SPATA9: variants seen among roughly 807,000 people sequenced by gnomAD.
SPATA9 encodes the protein spermatogenesis associated 9.
A neutral mutation model predicts 25.5 loss-of-function variants in SPATA9; 27 were observed. The ratio of observed to expected loss-of-function variants is 1.06; its 90% CI spans 0.78 to 1.46. The LOEUF is 1.46. Ranked by LOEUF, SPATA9 falls within the 40% of genes most tolerant of loss-of-function variation. SPATA9 has a pLI of 0.00. For missense variants in SPATA9, 282 were observed against 297.5 expected (o/e 0.95, Z 0.38); for synonymous variants, 102 against 105.7 (o/e 0.97, Z 0.21).
downstream of SPATA9, chr5:95,658,288 T>C (rs1750902143): frequency 6.0e-6 from 1 of 166,584 alleles, no homozygotes; most frequent in South Asian, 1.9e-4. Context: ...TCCTCCCAAG[T>C]AAAGAATTAG....
rs1473247601 is a variant in SPATA9 at position 95,677,752 on chromosome 5, T to C, written c.151-2113A>G. On this transcript the variant is annotated intron_variant, in intron 2 of 4. Transcript: ENST00000274432. ...ACTTCTATTTTGTAGTATATATGGT[T>C]AAGTACAAGATAACAGAAAAAAGAT... Among the ~76,000 whole-genome samples, 7 of 152,180 alleles carry C rather than the reference T, an allele frequency of 4.6e-5. 1 individual carries two copies. The South Asian group carries it at 1.4e-3, about 32-fold the overall frequency.
At chr5:95,712,337 C>T in the SPATA9 span, among the ~76,000 whole-genome samples, 37 of 152,280 alleles carry the variant, frequency 2.4e-4, no homozygotes, top group African/African-American at 8.4e-4. Context: ...TATGTCCTCG[C>T]CCCTTTAACC....
the SPATA9 span, among the ~76,000 whole-genome samples, chr5:95,723,542 T>TTTTG: frequency 2.0e-4 from 30 of 152,250 alleles, no homozygotes; most frequent in Non-Finnish European, 3.7e-4. Context: ...TCTTGTTGTT[T>TTTTG]TTTGTTTGTT....
intron 1 of SPATA9, among the ~76,000 whole-genome samples, chr5:95,695,441 TAC>T (rs200405626): frequency 1.0e-5 from 1 of 99,970 alleles, no homozygotes; most frequent in African/African-American, 3.9e-5. Context: ...CTACTACAAA[TAC>T]AAAAGTTAGC....
At chr5:95,732,032 A>G in the SPATA9 span, 4 of 1,614,172 alleles carry the variant, frequency 2.5e-6, no homozygotes, top group Non-Finnish European at 3.4e-6. Context: ...ACCGAGTATC[A>G]GGCCAGTGCG....
intron 3 of SPATA9, chr5:95,670,278 C>G (rs1249424221): frequency 6.6e-6 from 1 of 152,162 alleles, no homozygotes; most frequent in African/African-American, 2.4e-5. Flanking sequence ...TGTCGAAGAG[C>G]TGAAACACTA....
At chr5:95,710,591 C>T in the SPATA9 span, among the ~76,000 whole-genome samples, 1 of 152,150 alleles carries the variant, frequency 6.6e-6, no homozygotes, top group Non-Finnish European at 1.5e-5. Flanking sequence ...TGAGTAAGCA[C>T]CCCTTTAGCA....
At chr5:95,696,604 C>T (rs768342038) in intron 1 of SPATA9, among the ~76,000 whole-genome samples, 11 of 152,190 alleles carry the variant, frequency 7.2e-5, no homozygotes, top group African/African-American at 1.2e-4. Flanking sequence ...TGCCTTGGCA[C>T]GGTGGCTCAT....
At chr5:95,731,603 A>G in the SPATA9 span, 1 of 1,593,122 alleles carries the variant, frequency 6.3e-7, no homozygotes, top group African/African-American at 1.3e-5. Context: ...ATTGCGGGTG[A>G]ACTCGCCGCC....
intron 2 of SPATA9, among the ~76,000 whole-genome samples, chr5:95,676,226 ATT>A (rs1447490890): frequency 6.6e-6 from 1 of 152,100 alleles, no homozygotes. Flanking sequence ...AGATTTACAT[ATT>A]TTGTGTACTG....
the SPATA9 span, among the ~76,000 whole-genome samples, chr5:95,710,262 A>C: frequency 6.6e-6 from 1 of 152,172 alleles, no homozygotes; most frequent in Non-Finnish European, 1.5e-5. Flanking sequence ...GGTAGTTTCT[A>C]ACAGTTCCTG....
downstream of SPATA9, chr5:95,654,355 G>C: frequency 1.9e-6 from 3 of 1,604,200 alleles, no homozygotes; most frequent in Non-Finnish European, 2.6e-6. Flanking sequence ...CTTTACATTT[G>C]GGAGATATAG....
chr5:95,677,675 G>T (rs1312634800), intron 2 of SPATA9, among the ~76,000 whole-genome samples: 1 of 151,932 alleles, frequency 6.6e-6, no homozygotes, highest in African/African-American at 2.4e-5. Flanking sequence ...GTACATCTAA[G>T]GGCATAAAAC....
In SPATA9 at chr5:95,675,616, T is replaced by C. The variant is rs745420165; in HGVS notation, c.174A>G (p.Thr58=). ...AAGCAATAGCCATCCTGATTTTGGA[T>C]GTTTTCTGCGCAGGTTCTCTTTTCT... ...SNQKREPAQK[T]SKIRMAIALA... is the part of the protein sequence containing the mutation. The change falls in exon 3 of 5, where the codon ACA becomes ACG. Residue 58 remains threonine (T), a synonymous_variant. Coordinates refer to ENST00000274432, the MANE Select transcript of SPATA9 (RefSeq NM_031952.4). The C allele has an allele frequency of 5.6e-6, 9 of 1,614,058 alleles. No homozygotes were observed. In the East Asian group the frequency reaches 1.1e-4, roughly 20 times the overall value.
At chr5:95,727,084 C>T in the SPATA9 span, among the ~76,000 whole-genome samples, 2 of 151,878 alleles carry the variant, frequency 1.3e-5, no homozygotes, top group African/African-American at 2.4e-5. Context: ...TTAAAAATTG[C>T]GTTTGTTTTT....
At chr5:95,690,374 TA>T (rs1753851931) in intron 1 of SPATA9, among the ~76,000 whole-genome samples, 1 of 152,160 alleles carries the variant, frequency 6.6e-6, no homozygotes, top group African/African-American at 2.4e-5. Context: ...TACCATTTGT[TA>T]GTACAATGAA....
intron 3 of SPATA9, among the ~76,000 whole-genome samples, chr5:95,675,003 A>C (rs1405323699): frequency 6.6e-6 from 1 of 152,226 alleles, no homozygotes; most frequent in Non-Finnish European, 1.5e-5. Context: ...CCTCAATAAG[A>C]ATGTAGAAAA....
the SPATA9 span, among the ~76,000 whole-genome samples, chr5:95,706,034 A>G: frequency 1.3e-5 from 2 of 152,202 alleles, no homozygotes; most frequent in Non-Finnish European, 2.9e-5. Flanking sequence ...AACAATTCCT[A>G]AAACACATCC....
At chr5:95,731,157 C>T in the SPATA9 span, 13 of 1,017,688 alleles carry the variant, frequency 1.3e-5, no homozygotes, top group African/African-American at 1.9e-4. Context: ...GCGCGGGCGG[C>T]TCCTTTGTGT....
Sources: gnomAD v4.1 joint callset for allele counts (sites outside exome capture counted in the v4.1 genomes callset) on GRCh38, gnomAD v4.1.1 for gene constraint, MANE v1.5 for transcripts, NCBI Gene and HGNC (gene_info 2026-07-23, HGNC 2026-07-21) for gene names.